The following PPP3CA variants were observed in gnomAD, a reference collection of about 807,000 sequenced individuals.
PPP3CA encodes the protein CAM-PRP catalytic subunit.
In PPP3CA, 14 loss-of-function variants were observed where a neutral mutation model predicts 66.5. The ratio of observed to expected loss-of-function variants is 0.21; its 90% CI spans 0.14 to 0.33. The LOEUF (loss-of-function observed/expected upper bound fraction) is 0.33, where lower values mean the gene tolerates loss of function less well. Ranked by LOEUF, PPP3CA falls within the 10% of genes least tolerant of loss-of-function variation. The pLI is 1.00. For missense variants in PPP3CA, 317 were observed against 639.5 expected (o/e 0.50, Z 5.44); for synonymous variants, 232 against 226.2 (o/e 1.03, Z -0.23).
chr4:101,063,312 A>T lies in PPP3CA; in HGVS notation c.1001T>A (p.Phe334Tyr). Residue 334 changes from phenylalanine to tyrosine, a missense_variant, in exon 9 of 14, where the codon TTC becomes TAC. This residue lies in a region of PPP3CA where 201 missense variants were observed against 501.4 expected (regional missense o/e 0.40). Transcript: ENST00000394854. Reference sequence around the variant, plus strand: ...CCAGTATGGATGAGGAGAACAGTTGAATTGCCTGATATTCATAACATTGTT... The same window carrying T: ...CCAGTATGGATGAGGAGAACAGTTGTATTGCCTGATATTCATAACATTGTT... ...YENNVMNIRQ[F>Y]NCSPHPYWLP... The T allele has an allele frequency of 6.2e-7, 1 of 1,611,178 alleles. No homozygotes were observed. Among genetic ancestry groups the T allele is most frequent in the Non-Finnish European group, 8.5e-7 (1 of 1,178,102 alleles).
rs895622195 is a variant in PPP3CA at position 101,131,622 on chromosome 4, A to G, written c.260-22544T>C. 2.0e-4 allele frequency among the ~76,000 whole-genome samples: 30 copies of G among 152,198 alleles called. 1 individual carries two copies. The highest frequency in any genetic ancestry group is 1.3e-4 in the Non-Finnish European group (9 of 68,046). On this transcript the variant is annotated intron_variant, in intron 2 of 13. Coordinates refer to ENST00000394854, the MANE Select transcript of PPP3CA (RefSeq NM_000944.5). ...ATAAACCAAGTTCTAAGAGACCTACAAAGAGACTTAGACTCCCACACAATA... is the reference window on the plus strand; with the variant it reads ...ATAAACCAAGTTCTAAGAGACCTACGAAGAGACTTAGACTCCCACACAATA...
rs143736021 is a variant in PPP3CA, at chr4:101,301,800, G to A, written c.58+44939C>T. 7.9e-4 allele frequency among the ~76,000 whole-genome samples: 117 copies of A among 148,626 alleles called. No homozygotes were observed. The East Asian group carries it at 0.02, about 25-fold the overall frequency. On this transcript the variant is annotated intron_variant, in intron 1 of 13. Coordinates refer to ENST00000394854, the MANE Select transcript of PPP3CA (RefSeq NM_000944.5). ...ACCACCGCGTCCAGCTTTTAAAGCA[G>A]TATTATATAGCACCATATTTTATAT...
intron 2 of PPP3CA, among the ~76,000 whole-genome samples, chr4:101,184,260 C>G (rs1299645194): frequency 6.6e-6 from 1 of 152,158 alleles, no homozygotes; most frequent in Non-Finnish European, 1.5e-5. Flanking sequence ...AAGGAAGAAA[C>G]TATCCAGGTC....
intron 2 of PPP3CA, among the ~76,000 whole-genome samples, chr4:101,143,289 C>T (rs1221992106): frequency 6.6e-6 from 1 of 152,154 alleles, no homozygotes. Flanking sequence ...ACTCCATCAT[C>T]AATTATTTAC....
chr4:101,196,076 T>C lies in PPP3CA; in HGVS notation c.99A>G (p.Glu33=). ...FPPSHRLTAK[E]VFDNDGKPRV... The stretch of plus-strand genomic sequence containing the variant: ...GAGGTTTTCCATCATTATCAAACAC[T>C]TCTTTTGCTGTAAGCCGGTGACTTG... Residue 33 remains glutamate, a synonymous_variant, in exon 2 of 14, where the codon GAA becomes GAG. Transcript: ENST00000394854. 6.2e-7 allele frequency: 1 copy of C among 1,614,052 alleles called. No individual in the cohort carries two copies. Among genetic ancestry groups the C allele is most frequent in the Non-Finnish European group, 8.5e-7 (1 of 1,179,980 alleles).
chr4:101,036,976 C>T (rs143198500), intron 11 of PPP3CA, among the ~76,000 whole-genome samples: 23 of 152,144 alleles, frequency 1.5e-4, no homozygotes, highest in Admixed American at 1.3e-3. Context: ...CAGCCAACAC[C>T]GGAAATCTAT....
At chr4:101,139,696 G>GTTTTTTTTTTTTTTTTTTTTTTTTTT (rs372257350) in intron 2 of PPP3CA, among the ~76,000 whole-genome samples, 2 of 98,406 alleles carry the variant, frequency 2.0e-5, no homozygotes, top group African/African-American at 4.0e-5. Flanking sequence ...TTTTTTTTGT[G>GTTTTTTTTTTTTTTTTTTTTTTTTTT]TTTTTTTTTT....
chr4:101,027,864 C>G (rs1215757685), intron 13 of PPP3CA, among the ~76,000 whole-genome samples: 1 of 152,150 alleles, frequency 6.6e-6, no homozygotes, highest in Non-Finnish European at 1.5e-5. Context: ...GAAGAATGTG[C>G]TCTGCTGTAG....
intron 1 of PPP3CA, among the ~76,000 whole-genome samples, chr4:101,226,471 T>TA (rs1182456930): frequency 1.3e-5 from 2 of 151,726 alleles, no homozygotes; most frequent in South Asian, 2.1e-4. Context: ...TACTGATACA[T>TA]AAAAAAGTTT....
chr4:101,135,194 C>A (rs369445162), intron 2 of PPP3CA, among the ~76,000 whole-genome samples: 1 of 150,706 alleles, frequency 6.6e-6, no homozygotes, highest in Non-Finnish European at 1.5e-5. Flanking sequence ...CTTCTGCACA[C>A]GTATCACAGA....
At chr4:101,322,913 G>A (rs76139918) in intron 1 of PPP3CA, among the ~76,000 whole-genome samples, 1,940 of 152,176 alleles carry the variant, frequency 0.013, 49 homozygotes, top group African/African-American at 0.044. Flanking sequence ...ATATCTTACT[G>A]TAGAATAATA....
rs371079342 is a variant in PPP3CA at position 101,159,672 on chromosome 4, CT to C, written c.259+36243del. On this transcript the variant is annotated intron_variant, in intron 2 of 13. Coordinates refer to ENST00000394854, the MANE Select transcript of PPP3CA (RefSeq NM_000944.5). ...TGATTCAGAAATCCTCATAATGCCC[CT>C]AGTCTTAAAATTATTCCCATCCTAT... 3.3e-4 allele frequency among the ~76,000 whole-genome samples: 50 copies of C among 152,210 alleles called. 1 individual carries two copies. In the East Asian group the frequency reaches 7.1e-3, roughly 22 times the overall value.
intron 2 of PPP3CA, among the ~76,000 whole-genome samples, chr4:101,124,618 A>C (rs1172051668): frequency 6.6e-6 from 1 of 151,268 alleles, no homozygotes; most frequent in African/African-American, 2.4e-5. Flanking sequence ...CAAAAAAAGA[A>C]AAAAGAGAAA....
At chr4:101,317,626 A>T (rs1728921863) in intron 1 of PPP3CA, among the ~76,000 whole-genome samples, 1 of 152,226 alleles carries the variant, frequency 6.6e-6, no homozygotes, top group South Asian at 2.1e-4. Context: ...TTGTCATACC[A>T]AAAACTACTC....
chr4:101,230,285 G>A (rs1187713601), intron 1 of PPP3CA, among the ~76,000 whole-genome samples: 1 of 150,546 alleles, frequency 6.6e-6, no homozygotes, highest in East Asian at 2.0e-4. Context: ...CTAATTTTTG[G>A]GCCAACATCA....
intron 2 of PPP3CA, among the ~76,000 whole-genome samples, chr4:101,193,371 C>T (rs145158676): frequency 1.9e-3 from 289 of 151,814 alleles, no homozygotes; most frequent in East Asian, 0.014. Flanking sequence ...AAAAAAATGT[C>T]AAAGAGGAAA....
At chr4:101,082,239 A>G (rs1048106859) in intron 7 of PPP3CA, among the ~76,000 whole-genome samples, 2 of 152,224 alleles carry the variant, frequency 1.3e-5, no homozygotes, top group African/African-American at 2.4e-5. Context: ...CAGTGAGTAT[A>G]TAACACTGGA....
chr4:101,058,258 C>T (rs1728310628), intron 10 of PPP3CA, among the ~76,000 whole-genome samples: 1 of 152,030 alleles, frequency 6.6e-6, no homozygotes, highest in South Asian at 2.1e-4. Context: ...GTAAATTTTG[C>T]TTAAAATTTT....
At chr4:101,140,355 C>T (rs1270061986) in intron 2 of PPP3CA, among the ~76,000 whole-genome samples, 1 of 152,136 alleles carries the variant, frequency 6.6e-6, no homozygotes, top group Non-Finnish European at 1.5e-5. Flanking sequence ...TTTCAAGATA[C>T]TGGCCTTTCA....
Sources: allele counts gnomAD v4.1 joint callset (sites outside exome capture counted in the v4.1 genomes callset), GRCh38; gene constraint gnomAD v4.1.1; regional missense constraint gnomAD v4.1.1; transcripts MANE v1.5; gene names NCBI Gene and HGNC (gene_info 2026-07-23, HGNC 2026-07-21).